Variants in NUP210 observed in about 807,000 individuals in gnomAD.
NUP210 encodes nucleoporin 210.
A neutral mutation model predicts 196.0 loss-of-function variants in NUP210; 151 were observed. The ratio of observed to expected loss-of-function variants is 0.77; its 90% CI spans 0.67 to 0.88. NUP210 has a LOEUF of 0.88. Among genes scored for constraint, NUP210 ranks in the 40% least tolerant of loss-of-function variants. The probability of loss-of-function intolerance (pLI) is 0.00; values close to 1 mark genes in which losing one functional copy is unlikely to be tolerated. For synonymous variants in NUP210, 1,070 were observed against 1,052.7 expected (o/e 1.02, Z -0.32); for missense variants, 2,314 against 2,493.7 (o/e 0.93, Z 1.53).
At chr3:13,337,338 G>A (rs1428776714) in intron 26 of NUP210, among the ~76,000 whole-genome samples, 4 of 152,214 alleles carry the variant, frequency 2.6e-5, no homozygotes, top group African/African-American at 9.6e-5. Context: ...TGCTGTGTCG[G>A]CTTGAGGGCA....
chr3:13,343,339 T>TGGGGGGGGGGGGGGTGGG, intron 20 of NUP210, 36 bp from the exon 21 acceptor site: 1 of 282,516 alleles, frequency 3.5e-6, no homozygotes, highest in Non-Finnish European at 6.1e-6. Context: ...GGGTGGGTGG[T>TGGGGGGGGGGGGGGTGGG]GGGTTACGCA....
In NUP210 at chr3:13,335,564, C is replaced by T. The variant is rs769657245; in HGVS notation, c.3733G>A (p.Gly1245Ser). Residue 1245 changes from glycine (G) to serine (S), a missense_variant, in exon 28 of 40, where the codon GGC becomes AGC. Coordinates refer to ENST00000254508, the MANE Select transcript of NUP210 (RefSeq NM_024923.4). ...AGCCCGGTCCGGCCTTTTACCCGGC[C>T]GAGCACGTTCATGGCAAAGTTGTAC... Reference protein sequence around the residue: ...SQYNFAMNVLGRVKGRTGLRV... With the variant: ...SQYNFAMNVLSRVKGRTGLRV... 6.8e-6 allele frequency: 11 copies of T among 1,614,006 alleles called. No homozygotes were observed. Among genetic ancestry groups the T allele is most frequent in the East Asian group, 2.2e-5 (1 of 44,898 alleles).
chr3:13,414,240 G>A (rs968620879), intron 1 of NUP210, among the ~76,000 whole-genome samples: 26 of 152,260 alleles, frequency 1.7e-4, no homozygotes, highest in Non-Finnish European at 3.5e-4. Flanking sequence ...AGCCCCTAAC[G>A]GTGCCCAAAG....
chr3:13,358,555 T>A (rs1008730177), intron 15 of NUP210, among the ~76,000 whole-genome samples, 160 bp from the exon 16 acceptor site: 1 of 152,102 alleles, frequency 6.6e-6, no homozygotes, highest in Non-Finnish European at 1.5e-5. Context: ...AAAGGCCCAG[T>A]GGCACACAGG....
chr3:13,345,971 T>C (rs1697706461), intron 20 of NUP210, among the ~76,000 whole-genome samples: 1 of 152,248 alleles, frequency 6.6e-6, no homozygotes, highest in Admixed American at 6.5e-5. Context: ...AATTCCATAG[T>C]GCACCGACTG....
intron 20 of NUP210, 73 bp from the exon 21 acceptor site, chr3:13,343,376 T>A (rs1697599866): frequency 1.3e-6 from 2 of 1,545,960 alleles, no homozygotes; most frequent in Admixed American, 1.9e-5. Flanking sequence ...CTGCTCAGGT[T>A]TGTGAGCAGT....
chr3:13,319,775 C>T lies in NUP210; in HGVS notation c.5371G>A (p.Gly1791Arg), dbSNP rs771663971. The change falls in exon 37 of 40, where the codon GGG becomes AGG. Residue 1791 changes from glycine (G) to arginine (R), a missense_variant. Gly to Arg is a moderately radical substitution (Grantham distance 125). Transcript: ENST00000254508. The part of the protein sequence containing the change: ...VTVAFVVDRR[G>R]PGPYGASLFQ... The stretch of plus-strand genomic sequence containing the variant: ...TTCCGTGACTCACAAGGACCGGGCC[C>T]ACGGCGATCCACCACAAAAGCCACT... 1 of 1,614,146 alleles carries T rather than the reference C, an allele frequency of 6.2e-7. No individual in the cohort carries two copies. Among genetic ancestry groups the T allele is most frequent in the Middle Eastern group, 1.6e-4 (1 of 6,062 alleles).
In NUP210 at chr3:13,348,845, A is replaced by AT. The variant is rs1697854941; in HGVS notation, c.2835+3033_2835+3034insA. The AT allele has an allele frequency of 1.0e-6, 1 of 985,296 alleles. No homozygotes were observed. The highest frequency in any genetic ancestry group is 1.2e-6 in the Non-Finnish European group (1 of 829,930). 61.0% of individuals were successfully genotyped at this position (985,296 alleles called of 1,614,324 possible). ...CAAGACAGCTGGAGACCAACATCAA[A>AT]CGCTGAAGGAAGGTTTTCGAAAACA... On this transcript the variant is annotated intron_variant, in intron 20 of 39. Coordinates refer to ENST00000254508, the MANE Select transcript of NUP210 (RefSeq NM_024923.4). The surrounding 1 kb of genome is among the most constrained non-coding windows in gnomAD (Gnocchi z 4.0).
chr3:13,372,061 A>G, intron 12 of NUP210, 29 bp from the exon 13 acceptor site: 3 of 1,525,784 alleles, frequency 2.0e-6, no homozygotes, highest in Non-Finnish European at 2.7e-6. Context: ...GCCTGGGCTC[A>G]GCTGCCTCCA....
At chr3:13,335,410 A>T in intron 28 of NUP210, 44 bp downstream of exon 28, 7 of 1,574,652 alleles carry the variant, frequency 4.4e-6, no homozygotes, top group Non-Finnish European at 6.1e-6. Flanking sequence ...GGCAGCTGGC[A>T]CTTCCTCTCC....
chr3:13,345,391 C>T (rs1333105879), intron 20 of NUP210, among the ~76,000 whole-genome samples: 1 of 152,204 alleles, frequency 6.6e-6, no homozygotes, highest in Non-Finnish European at 1.5e-5. Flanking sequence ...CCCTAACTCC[C>T]AGTTTAGGCT....
intron 6 of NUP210, among the ~76,000 whole-genome samples, chr3:13,381,557 C>T (rs1699101372): frequency 6.6e-6 from 1 of 151,852 alleles, no homozygotes; most frequent in Non-Finnish European, 1.5e-5. Flanking sequence ...ACTACCAATG[C>T]ACGCCACCAT....
chr3:13,417,584 T>C (rs576278224), intron 1 of NUP210, among the ~76,000 whole-genome samples: 1 of 152,320 alleles, frequency 6.6e-6, no homozygotes, highest in African/African-American at 2.4e-5. Flanking sequence ...AGCAGATTCT[T>C]CAAAACTGCA....
chr3:13,332,153 C>G, intron 29 of NUP210, 140 bp downstream of exon 29: 1 of 658,302 alleles, frequency 1.5e-6, no homozygotes. Flanking sequence ...AAGGAGCAGG[C>G]AGAGGCCTCA....
At chr3:13,356,566 C>T (rs1322547635) in intron 16 of NUP210, among the ~76,000 whole-genome samples, 1 of 152,188 alleles carries the variant, frequency 6.6e-6, no homozygotes, top group Non-Finnish European at 1.5e-5. Context: ...TCACTTGAAC[C>T]TGGGAGGTGG....
intron 28 of NUP210, 119 bp downstream of exon 28, chr3:13,335,335 G>C: frequency 8.4e-7 from 1 of 1,196,184 alleles, no homozygotes; most frequent in South Asian, 1.4e-5. Flanking sequence ...TCATCCCCAC[G>C]GACTGAGAGC....
rs148300513 is a variant in NUP210, at chr3:13,328,503, C to T, written c.4286+268G>A. On this transcript the variant is annotated intron_variant, in intron 31 of 39. Coordinates refer to ENST00000254508, the MANE Select transcript of NUP210 (RefSeq NM_024923.4). ...GCTGAAGGGCCAATTTCCTGTGCCT[C>T]GGGGAGCACTCCCTGGAGCTGCCCC... is the stretch of plus-strand genomic sequence containing the variant. Among the ~76,000 whole-genome samples the T allele has an allele frequency of 6.7e-3, 1,020 of 152,330 alleles. 12 individuals are homozygous for T. The highest frequency in any genetic ancestry group is 0.014 in the Middle Eastern group (4 of 294).
intron 11 of NUP210, among the ~76,000 whole-genome samples, chr3:13,374,842 G>A (rs2124914358): frequency 6.6e-6 from 1 of 152,328 alleles, no homozygotes; most frequent in African/African-American, 2.4e-5. Flanking sequence ...CGGTGCCAGT[G>A]CACAGACAGG....
At chr3:13,363,115 A>C (rs1021133964) in intron 14 of NUP210, among the ~76,000 whole-genome samples, 6 of 152,202 alleles carry the variant, frequency 3.9e-5, no homozygotes, top group Admixed American at 1.3e-4. Context: ...GTTGTGATTC[A>C]GGGGCTGGAA....
Sources: allele counts gnomAD v4.1 joint callset (sites outside exome capture counted in the v4.1 genomes callset), GRCh38; gene constraint gnomAD v4.1.1; non-coding constraint Gnocchi (gnomAD v3.1); transcripts MANE v1.5; gene names NCBI Gene and HGNC (gene_info 2026-07-23, HGNC 2026-07-21).